MYO16: variants seen among roughly 807,000 people sequenced by gnomAD.
The protein encoded by MYO16 is myosin XVI.
MYO16 carries 94 observed loss-of-function variants against 205.3 expected under a neutral mutation model. The observed-to-expected ratio is 0.46, with a 90% CI of 0.39 to 0.54. The LOEUF is 0.54. Ranked by LOEUF, MYO16 falls within the 20% of genes least tolerant of loss-of-function variation. The pLI, the probability that MYO16 is intolerant of heterozygous loss-of-function variation, is 0.00. For synonymous variants in MYO16, 988 were observed against 954.0 expected (o/e 1.04, Z -0.66); for missense variants, 2,315 against 2,387.5 (o/e 0.97, Z 0.63).
intron 4 of MYO16, among the ~76,000 whole-genome samples, chr13:108,758,598 A>G (rs1212591295): frequency 6.6e-6 from 1 of 152,194 alleles, no homozygotes; most frequent in Admixed American, 6.5e-5. Context: ...TCTCTCCTTT[A>G]TCTTTTGACT....
chr13:109,119,755 T>C (rs1875894703), intron 28 of MYO16, among the ~76,000 whole-genome samples: 1 of 152,220 alleles, frequency 6.6e-6, no homozygotes, highest in Admixed American at 6.5e-5. Context: ...TGGAAAAGTA[T>C]GTTCATCCCT....
At chr13:108,629,971 A>G in intron 1 of MYO16, 99 bp downstream of exon 1, 2 of 986,576 alleles carry the variant, frequency 2.0e-6, no homozygotes, top group South Asian at 1.6e-5. Context: ...GGTATACCAC[A>G]TTCAGATGAG....
chr13:109,140,624 C>T lies in MYO16; in HGVS notation c.4412C>T (p.Ser1471Phe), dbSNP rs1486830570. 2 of 1,516,720 alleles carry T rather than the reference C, an allele frequency of 1.3e-6. No individual in the cohort carries two copies. The highest frequency in any genetic ancestry group is 1.8e-6 in the Non-Finnish European group (2 of 1,137,516). 94.0% of individuals were successfully genotyped at this position (1,516,720 alleles called of 1,614,324 possible). A position where few individuals can be genotyped will look rare whatever the true frequency, so the allele number is the denominator to read the frequency against. ...GACGACGGCGGCCCGGGCGCGGGCT[C>T]CTTCCTGCTCCACGGCGCATCGCCG... ...LPDDGGPGAG[S>F]FLLHGASPPL... The change falls in exon 32 of 35, where the codon TCC (serine) becomes TTC (phenylalanine). Residue 1471 changes from serine (S) to phenylalanine (F), a missense_variant. Around this residue, in one of 3 missense-constraint regions of MYO16, gnomAD observed 1,097 missense variants for 1,092.0 expected, o/e 1.00. Transcript: ENST00000457511. This position sits in a 1 kb window ranked among gnomAD's most constrained non-coding sequence, Gnocchi z 8.0.
In MYO16 at chr13:108,950,617, G is replaced by A. The variant is rs558631835; in HGVS notation, c.1926-7071G>A. Among the ~76,000 whole-genome samples, 7 of 152,288 alleles carry A rather than the reference G, an allele frequency of 4.6e-5. 1 individual carries two copies. The highest frequency in any genetic ancestry group is 2.6e-4 in the Admixed American group (4 of 15,302). On this transcript the variant is annotated intron_variant, in intron 16 of 34. Coordinates refer to ENST00000457511, the MANE Select transcript of MYO16 (RefSeq NM_001198950.3). ...TGGGAATGTAAAATAGTGTACAGCC[G>A]TGCTAGAAAAGAGTGTGACAGTTTC...
chr13:108,761,581 C>T (rs72668513), intron 4 of MYO16, among the ~76,000 whole-genome samples: 32,566 of 151,968 alleles, frequency 0.21, 3,567 homozygotes, highest in Middle Eastern at 0.23. Flanking sequence ...GGAAGGTCAC[C>T]AATAAAAGGA....
intron 13 of MYO16, among the ~76,000 whole-genome samples, chr13:108,886,687 C>T (rs548072684): frequency 5.4e-5 from 7 of 129,746 alleles, no homozygotes; most frequent in African/African-American, 2.0e-4. Flanking sequence ...ACTCTTCCAC[C>T]GCAGGCTTGT....
chr13:108,554,848 T>TAAAAAAAA, the MYO16 span, among the ~76,000 whole-genome samples: 3 of 77,966 alleles, frequency 3.8e-5, no homozygotes, highest in African/African-American at 4.3e-5. Flanking sequence ...AGACTCTGAC[T>TAAAAAAAA]AAAAAAAAAA....
chr13:108,980,591 A>G (rs758240452), intron 20 of MYO16, among the ~76,000 whole-genome samples: 2 of 152,182 alleles, frequency 1.3e-5, no homozygotes, highest in Admixed American at 6.5e-5. Context: ...TGTCAGTACC[A>G]CTAGTTAAAT....
intron 16 of MYO16, among the ~76,000 whole-genome samples, chr13:108,926,601 G>C (rs577671115): frequency 6.6e-6 from 1 of 152,088 alleles, no homozygotes; most frequent in Non-Finnish European, 1.5e-5. Flanking sequence ...AAGTCACCAG[G>C]AACAGGAGGG....
rs560939607 is a variant in MYO16 at position 108,720,438 on chromosome 13, T to A, written c.364-7002T>A. 2.4e-4 allele frequency among the ~76,000 whole-genome samples: 36 copies of A among 152,360 alleles called. No individual in the cohort carries two copies. The South Asian group carries it at 7.0e-3, about 30-fold the overall frequency. On this transcript the variant is annotated intron_variant, in intron 3 of 34. Coordinates refer to ENST00000457511, the MANE Select transcript of MYO16 (RefSeq NM_001198950.3). ...TTTCTTCTCTCTCTGTCACTGTTTC[T>A]GACTTTCACTGTAGAAATGTTCTTT...
intron 27 of MYO16, among the ~76,000 whole-genome samples, chr13:109,060,865 T>C (rs1887571262): frequency 6.6e-6 from 1 of 152,174 alleles, no homozygotes; most frequent in African/African-American, 2.4e-5. Context: ...GTCCCATCTC[T>C]AGCTGTGAAA....
intron 20 of MYO16, among the ~76,000 whole-genome samples, chr13:108,986,102 C>G (rs1049570599): frequency 6.6e-6 from 1 of 152,114 alleles, no homozygotes; most frequent in Non-Finnish European, 1.5e-5. Context: ...ACCATCAGAT[C>G]TCGTGAGACT....
chr13:109,085,431 C>T, intron 27 of MYO16, among the ~76,000 whole-genome samples: 1 of 152,074 alleles, frequency 6.6e-6, no homozygotes. Context: ...CCCAGGTCTG[C>T]AGGTAGGGAG....
At chr13:108,718,170 A>C (rs1884022540) in intron 3 of MYO16, among the ~76,000 whole-genome samples, 1 of 152,156 alleles carries the variant, frequency 6.6e-6, no homozygotes. Context: ...TTTTGTAAAG[A>C]GGCAGAATAT....
At chr13:108,889,875 C>T (rs987496114) in intron 14 of MYO16, among the ~76,000 whole-genome samples, 3 of 152,108 alleles carry the variant, frequency 2.0e-5, no homozygotes, top group Non-Finnish European at 4.4e-5. Flanking sequence ...CAGTGTACTG[C>T]AAACACGTGG....
intron 21 of MYO16, among the ~76,000 whole-genome samples, chr13:108,997,318 A>G (rs74751892): frequency 1.1e-3 from 47 of 43,674 alleles, no homozygotes; most frequent in Non-Finnish European, 1.2e-3. Flanking sequence ...GAAAGAAAGA[A>G]AGAAAGAAAG....
At chr13:108,505,500 TG>T in the MYO16 span, among the ~76,000 whole-genome samples, 1 of 152,232 alleles carries the variant, frequency 6.6e-6, no homozygotes, top group South Asian at 2.1e-4. Flanking sequence ...GCAAATCCTT[TG>T]TTCGTTTTTT....
chr13:109,193,521 C>G (rs1343306750), intron 34 of MYO16, among the ~76,000 whole-genome samples: 2 of 152,106 alleles, frequency 1.3e-5, no homozygotes, highest in African/African-American at 2.4e-5. Flanking sequence ...ATATTTGATT[C>G]TATTTAATAC....
Position 108,812,707 on chromosome 13 carries a change from A to G in MYO16, c.867+5903A>G, listed in dbSNP as rs74462554. 4.8e-3 allele frequency among the ~76,000 whole-genome samples: 726 copies of G among 152,290 alleles called. 6 individuals are homozygous for G. The highest frequency in any genetic ancestry group is 0.016 in the African/African-American group (656 of 41,564). On this transcript the variant is annotated intron_variant, in intron 7 of 34. Transcript: ENST00000457511. ...TTTGTGTGTTTCAAAATTAATCCCCAGTGCAGCAAAATTAGGACGTGAGGC... is the reference window on the plus strand; with the variant it reads ...TTTGTGTGTTTCAAAATTAATCCCCGGTGCAGCAAAATTAGGACGTGAGGC...
Sources: allele counts gnomAD v4.1 joint callset (sites outside exome capture counted in the v4.1 genomes callset), GRCh38; gene constraint gnomAD v4.1.1; regional missense constraint gnomAD v4.1.1; non-coding constraint Gnocchi (gnomAD v3.1); transcripts MANE v1.5; gene names NCBI Gene and HGNC (gene_info 2026-07-23, HGNC 2026-07-21).